The following CCDC171 variants were observed in gnomAD, a reference collection of about 807,000 sequenced individuals.
The protein encoded by CCDC171 is coiled-coil domain-containing protein 171.
In CCDC171, 177 loss-of-function variants were observed where a neutral mutation model predicts 168.2. That is an observed-to-expected ratio of 1.05 (90% CI 0.93 to 1.19). The LOEUF is 1.19. Ranked by LOEUF, CCDC171 falls within the 50% of genes most tolerant of loss-of-function variation. The pLI is 0.00. For missense variants in CCDC171, 1,991 were observed against 1,539.0 expected, an observed-to-expected ratio of 1.29 and a Z score of -4.91; for synonymous variants, 687 against 540.8, an observed-to-expected ratio of 1.27 and a Z score of -3.75.
At chr9:15,903,991 A>G (rs559433628) in intron 24 of CCDC171, among the ~76,000 whole-genome samples, 1 of 152,264 alleles carries the variant, frequency 6.6e-6, no homozygotes, top group East Asian at 1.9e-4. Flanking sequence ...GAATGAAAAG[A>G]AACAAACAAA....
At chr9:15,647,796 A>G (rs1347605916) in intron 7 of CCDC171, among the ~76,000 whole-genome samples, 1 of 152,226 alleles carries the variant, frequency 6.6e-6, no homozygotes, top group Non-Finnish European at 1.5e-5. Flanking sequence ...CAGACGATTC[A>G]CAGCCGAATT....
intron 25 of CCDC171, among the ~76,000 whole-genome samples, chr9:15,964,362 A>G (rs1830604649): frequency 6.6e-6 from 1 of 152,118 alleles, no homozygotes; most frequent in Non-Finnish European, 1.5e-5. Flanking sequence ...TCTATATGGT[A>G]TGCTTGTTTT....
intron 24 of CCDC171, among the ~76,000 whole-genome samples, chr9:15,889,535 G>C (rs16933738): frequency 6.6e-6 from 1 of 152,036 alleles, no homozygotes; most frequent in African/African-American, 2.4e-5. Flanking sequence ...TTGAAAACTC[G>C]AAAGACTTCA....
In CCDC171 at chr9:15,701,661, C is replaced by T. The variant is rs564404442; in HGVS notation, c.1318+6324C>T. 2.7e-5 allele frequency among the ~76,000 whole-genome samples: 4 copies of T among 149,288 alleles called. No homozygotes were observed. In the East Asian group the frequency reaches 8.1e-4, roughly 30 times the overall value. On this transcript the variant is annotated intron_variant, in intron 11 of 25. Transcript: ENST00000380701. ...GTGGCACGATCTTGGCTCACTGCAA[C>T]CTCCGCCTCTCCGGAGTACAATTTC...
intron 6 of CCDC171, among the ~76,000 whole-genome samples, chr9:15,594,531 T>A (rs1297594297): frequency 6.6e-6 from 1 of 152,178 alleles, no homozygotes; most frequent in African/African-American, 2.4e-5. Flanking sequence ...AATCATATAG[T>A]GTAGTAATTT....
intron 25 of CCDC171, among the ~76,000 whole-genome samples, chr9:15,964,099 C>T (rs1254987077): frequency 1.3e-5 from 2 of 152,144 alleles, no homozygotes; most frequent in African/African-American, 4.8e-5. Context: ...TAGAAGCAGC[C>T]TGGATTCTTG....
In CCDC171 at chr9:15,636,982, G is replaced by A. The variant is rs554071038; in HGVS notation, c.822+13569G>A. 2.2e-3 allele frequency among the ~76,000 whole-genome samples: 338 copies of A among 151,834 alleles called. 2 individuals carry two copies. The highest frequency in any genetic ancestry group is 7.2e-3 in the Admixed American group (110 of 15,228). ...TCAGTTAAGAAAATATCGGCTGGGC[G>A]TGGTGGCTCATGCCTGTAATCCCAG... On this transcript the variant is annotated intron_variant, in intron 7 of 25. Coordinates refer to ENST00000380701, the MANE Select transcript of CCDC171 (RefSeq NM_173550.4).
chr9:16,011,412 CTT>C (rs66484670), intron 3 of CCDC171, among the ~76,000 whole-genome samples: 85,824 of 152,040 alleles, frequency 0.56, 24,459 homozygotes, highest in East Asian at 0.66. Flanking sequence ...CTGTTTTTTA[CTT>C]TTTTTTTGCA....
At chr9:15,657,242 G>C in intron 8 of CCDC171, 23 bp downstream of exon 8, 1 of 1,476,470 alleles carries the variant, frequency 6.8e-7, no homozygotes, top group Non-Finnish European at 9.4e-7. Context: ...CAAATATTTT[G>C]GCCTGCATTT....
At chr9:15,656,902 G>T (rs184936461) in intron 7 of CCDC171, among the ~76,000 whole-genome samples, 46 of 151,732 alleles carry the variant, frequency 3.0e-4, no homozygotes, top group Middle Eastern at 6.8e-3. Context: ...CTATGTGTAG[G>T]TTATTATATG....
Position 15,931,158 on chromosome 9 carries a change from C to T in CCDC171, c.3753+10736C>T, listed in dbSNP as rs958110889. The stretch of plus-strand genomic sequence containing the variant: ...CTATTTTTAACATTTTGAGGAAACT[C>T]CATACCGTTTTCCATTAATAGCTGT... On this transcript the variant is annotated intron_variant, in intron 25 of 25. Transcript: ENST00000380701. Among the ~76,000 whole-genome samples, 10 of 151,856 alleles carry T rather than the reference C, an allele frequency of 6.6e-5. 1 individual carries two copies. The highest frequency in any genetic ancestry group is 5.9e-4 in the Admixed American group (9 of 15,212).
At chr9:15,752,309 G>T (rs1436914367) in intron 18 of CCDC171, among the ~76,000 whole-genome samples, 2 of 152,092 alleles carry the variant, frequency 1.3e-5, no homozygotes, top group Non-Finnish European at 2.9e-5. Context: ...GTTGGTGGGA[G>T]TGTAAATTCA....
the CCDC171 span, among the ~76,000 whole-genome samples, chr9:16,085,296 G>A: frequency 1.3e-5 from 2 of 152,248 alleles, no homozygotes; most frequent in South Asian, 4.1e-4. Flanking sequence ...TTTTAATTCA[G>A]AGAAGTAGAG....
intron 18 of CCDC171, among the ~76,000 whole-genome samples, chr9:15,767,420 A>G (rs563313933): frequency 7.2e-5 from 11 of 152,072 alleles, no homozygotes; most frequent in African/African-American, 1.9e-4. Flanking sequence ...ACTTTAAAGG[A>G]CTCTTGTCAT....
intron 24 of CCDC171, among the ~76,000 whole-genome samples, chr9:15,879,637 A>G (rs1267608099): frequency 3.9e-5 from 6 of 152,122 alleles, no homozygotes; most frequent in Non-Finnish European, 8.8e-5. Context: ...TCTTGTCAGT[A>G]ATTACAGATT....
chr9:15,774,246 T>TAAAAAAAAAAAAAA (rs56239417), intron 18 of CCDC171, among the ~76,000 whole-genome samples: 2 of 37,986 alleles, frequency 5.3e-5, no homozygotes, highest in Non-Finnish European at 9.1e-5. Context: ...ACGCTGTCTT[T>TAAAAAAAAAAAAAA]AAAAAAAAAA....
intron 2 of CCDC171, among the ~76,000 whole-genome samples, chr9:15,564,330 C>T (rs575102626): frequency 6.6e-6 from 1 of 152,276 alleles, no homozygotes; most frequent in South Asian, 2.1e-4. Flanking sequence ...TTTTGTGCTC[C>T]TCTGTTAATT....
intron 18 of CCDC171, among the ~76,000 whole-genome samples, chr9:15,772,374 GC>G (rs1161586293): frequency 1.3e-5 from 2 of 151,428 alleles, no homozygotes; most frequent in African/African-American, 4.9e-5. Flanking sequence ...CGTTTTCTGG[GC>G]TGTTTTGCCC....
chr9:15,931,456 C>CTTTTT (rs57124025), intron 25 of CCDC171, among the ~76,000 whole-genome samples: 479 of 44,912 alleles, frequency 0.011, 1 homozygote, highest in Non-Finnish European at 0.015. Context: ...TTCTTTCTTT[C>CTTTTT]TTTTTTTTTT....
Sources: allele counts gnomAD v4.1 joint callset (sites outside exome capture counted in the v4.1 genomes callset), GRCh38; gene constraint gnomAD v4.1.1; transcripts MANE v1.5; gene names NCBI Gene and HGNC (gene_info 2026-07-23, HGNC 2026-07-21).